The following RAB1A variants were observed in gnomAD, a reference collection of about 807,000 sequenced individuals.
RAB1A encodes RAB1A, member RAS oncogene family.
RAB1A carries 2 observed loss-of-function variants against 26.0 expected under a neutral mutation model. The observed-to-expected ratio is 0.08, with a 90% CI of 0.03 to 0.24. The LOEUF (loss-of-function observed/expected upper bound fraction) is 0.24. RAB1A is among the 10% of genes least tolerant of loss of function. The pLI is 1.00. For synonymous variants in RAB1A, 84 were observed against 84.9 expected (o/e 0.99, Z 0.06); for missense variants, 100 against 247.0 (o/e 0.40, Z 3.99).
chr2:65,114,854 AAAAAAAAAAC>A (rs1290155405), intron 1 of RAB1A, among the ~76,000 whole-genome samples: 3 of 68,812 alleles, frequency 4.4e-5, no homozygotes, highest in Admixed American at 3.8e-4. Context: ...TCCGTCTCAA[AAAAAAAAAAC>A]AAAAAAAAAA....
intron 1 of RAB1A, among the ~76,000 whole-genome samples, chr2:65,109,510 C>A (rs941431651): frequency 6.6e-6 from 1 of 151,758 alleles, no homozygotes; most frequent in Non-Finnish European, 1.5e-5. Context: ...TCAAGACCAG[C>A]CTGACCAACA....
chr2:65,122,341 T>C (rs1669984709), intron 1 of RAB1A, among the ~76,000 whole-genome samples: 1 of 150,304 alleles, frequency 6.7e-6, no homozygotes, highest in South Asian at 2.1e-4. Context: ...AGACCAGGAA[T>C]TTGAGACTAG....
rs11286030 is a variant in RAB1A at position 65,117,733 on chromosome 2, GTT to G, written c.23+12158_23+12159del. ...AGGCGCGTGCCACCACGTCCAGCTA[GTT>G]TTTTTTTTTTTTTTTGGTAGAGATG... On this transcript the variant is annotated intron_variant, in intron 1 of 5. Transcript: ENST00000409784. Among the ~76,000 whole-genome samples the G allele has an allele frequency of 8.7e-3, 1,181 of 136,258 alleles. 12 individuals are homozygous for G. Among genetic ancestry groups the G allele is most frequent in the African/African-American group, 0.028 (1,053 of 36,968 alleles). 89.4% of individuals were successfully genotyped at this position (136,258 alleles called of 152,430 possible). A position where few individuals can be genotyped will look rare whatever the true frequency, so the allele number is the denominator to read the frequency against.
intron 3 of RAB1A, among the ~76,000 whole-genome samples, chr2:65,095,986 T>A (rs1340898282): frequency 6.6e-6 from 1 of 151,842 alleles, no homozygotes; most frequent in African/African-American, 2.4e-5. Context: ...ACTCTGTCTC[T>A]ACTAAAAATA....
chr2:65,107,586 CA>C (rs1416111263), intron 1 of RAB1A, among the ~76,000 whole-genome samples: 1 of 152,054 alleles, frequency 6.6e-6, no homozygotes, highest in Non-Finnish European at 1.5e-5. Flanking sequence ...TCCAGGTGTT[CA>C]AGTGATTCTC....
chr2:65,127,583 G>A (rs753202423), intron 1 of RAB1A, among the ~76,000 whole-genome samples: 6 of 152,114 alleles, frequency 3.9e-5, no homozygotes, highest in Non-Finnish European at 5.9e-5. Context: ...AAAATTAGCC[G>A]GGAGTGGTGG....
chr2:65,087,312 A>G lies in RAB1A; in HGVS notation c.*1181T>C, dbSNP rs1416183269. 6.6e-6 allele frequency: 1 copy of G among 152,636 alleles called. No individual in the cohort carries two copies. Among genetic ancestry groups the G allele is most frequent in the East Asian group, 1.9e-4 (1 of 5,204 alleles). The allele number at this position is 152,636 out of a possible 1,614,324, so 9.5% of individuals were successfully genotyped here. Reference sequence around the variant, plus strand: ...TTTGCCTCAATTATCATTACCACCCAGTATTCATGTTTTAATTTTTAGGGA... The same window carrying G: ...TTTGCCTCAATTATCATTACCACCCGGTATTCATGTTTTAATTTTTAGGGA... On this transcript the variant is annotated 3_prime_UTR_variant, in exon 6 of 6. Transcript: ENST00000409784.
At chr2:65,094,929 G>A (rs1669248332) in intron 3 of RAB1A, among the ~76,000 whole-genome samples, 1 of 152,190 alleles carries the variant, frequency 6.6e-6, no homozygotes, top group African/African-American at 2.4e-5. Context: ...TCAATCTGAA[G>A]GGCAGGCTTG....
intron 1 of RAB1A, among the ~76,000 whole-genome samples, chr2:65,126,077 C>A (rs779364665): frequency 1.3e-5 from 2 of 151,846 alleles, no homozygotes; most frequent in Non-Finnish European, 2.9e-5. Flanking sequence ...GCCATATTGG[C>A]CAGGCTGGTC....
In RAB1A at chr2:65,129,966, C is replaced by T. The variant is rs2103897247; in HGVS notation, c.-51G>A. The T allele has an allele frequency of 1.3e-6, 2 of 1,559,732 alleles. No individual in the cohort carries two copies. The highest frequency in any genetic ancestry group is 2.4e-5 in the East Asian group (1 of 42,104). ...CCGCCGCCCTTGCTGCCGCAGCCGC[C>T]GCCCTGACTCTCCGCGCCACGGGTA... is the stretch of plus-strand genomic sequence containing the variant. On this transcript the variant is annotated 5_prime_UTR_variant, in exon 1 of 6. Transcript: ENST00000409784.
chr2:65,129,932 C>T lies in RAB1A; in HGVS notation c.-17G>A, dbSNP rs1460883829. On this transcript the variant is annotated 5_prime_UTR_variant, in exon 1 of 6. Transcript: ENST00000409784. ...GCTGGACATGTCACTGCAGCTGCCG[C>T]CGCCGCCACCGCCGCCCTTGCTGCC... 10 of 1,580,412 alleles carry T rather than the reference C, an allele frequency of 6.3e-6. No individual in the cohort carries two copies. Among genetic ancestry groups the T allele is most frequent in the Non-Finnish European group, 8.6e-6 (10 of 1,164,944 alleles).
intron 2 of RAB1A, among the ~76,000 whole-genome samples, chr2:65,103,713 G>A (rs1276412962): frequency 6.6e-6 from 1 of 152,128 alleles, no homozygotes. Flanking sequence ...GTAACCCCCA[G>A]GAGTCTTTGG....
chr2:65,121,906 C>A (rs753434045), intron 1 of RAB1A, among the ~76,000 whole-genome samples: 3 of 152,122 alleles, frequency 2.0e-5, no homozygotes, highest in Non-Finnish European at 4.4e-5. Context: ...CGCCTGTAAT[C>A]CTAGCACTTT....
At chr2:65,088,722 A>G (rs1343504141) in intron 5 of RAB1A, 32 bp from the exon 6 acceptor site, 1 of 1,538,464 alleles carries the variant, frequency 6.5e-7, no homozygotes, top group Non-Finnish European at 8.8e-7. Flanking sequence ...ATTAACACTG[A>G]AAAATCTTTT....
intron 1 of RAB1A, among the ~76,000 whole-genome samples, chr2:65,113,670 T>G (rs1462004105): frequency 6.6e-6 from 1 of 152,236 alleles, no homozygotes; most frequent in African/African-American, 2.4e-5. Context: ...AGAGGATGAA[T>G]CAGCTTGTTT....
At chr2:65,096,325 A>AAAAC (rs927968415) in intron 3 of RAB1A, among the ~76,000 whole-genome samples, 7 of 152,186 alleles carry the variant, frequency 4.6e-5, no homozygotes, top group African/African-American at 1.7e-4. Context: ...AAAAAATAAA[A>AAAAC]AAACAAACAA....
At chr2:65,089,161 A>G in intron 4 of RAB1A, 91 bp from the exon 5 acceptor site, 1 of 1,249,418 alleles carries the variant, frequency 8.0e-7, no homozygotes, top group Non-Finnish European at 1.1e-6. Context: ...CAGACAAATA[A>G]CAAAGAGCTA....
chr2:65,100,964 G>A (rs1279641953), intron 2 of RAB1A, among the ~76,000 whole-genome samples: 2 of 151,812 alleles, frequency 1.3e-5, no homozygotes, highest in Non-Finnish European at 2.9e-5. Flanking sequence ...TGACCAACAT[G>A]GTGAAACCCC....
intron 1 of RAB1A, among the ~76,000 whole-genome samples, chr2:65,112,817 T>C (rs1669732632): frequency 6.6e-6 from 1 of 152,196 alleles, no homozygotes. Flanking sequence ...CAACTTTTGG[T>C]CTACTTTCGC....
Sources: allele counts gnomAD v4.1 joint callset (sites outside exome capture counted in the v4.1 genomes callset), GRCh38; gene constraint gnomAD v4.1.1; transcripts MANE v1.5; gene names NCBI Gene and HGNC (gene_info 2026-07-23, HGNC 2026-07-21).